The following ERBB4 variants were observed in gnomAD, a reference collection of about 807,000 sequenced individuals.
The protein encoded by ERBB4 is erb-b2 receptor tyrosine kinase 4, also known as receptor tyrosine-protein kinase erbB-4.
Under a neutral mutation model 158.0 loss-of-function variants are expected in ERBB4, and 42 were observed. That is an observed-to-expected ratio of 0.27 (90% CI 0.21 to 0.34). ERBB4 has a LOEUF of 0.34. ERBB4 is among the 10% of genes least tolerant of loss of function. ERBB4 has a pLI of 1.00. For synonymous variants in ERBB4, 583 were observed against 558.7 expected, an observed-to-expected ratio of 1.04 and a Z score of -0.61; for missense variants, 1,333 against 1,624.1, an observed-to-expected ratio of 0.82 and a Z score of 3.08.
intron 3 of ERBB4, among the ~76,000 whole-genome samples, chr2:211,854,035 T>C (rs2077787544): frequency 1.3e-5 from 2 of 152,120 alleles, no homozygotes; most frequent in South Asian, 2.1e-4. Flanking sequence ...AGGAAAACAG[T>C]AGATCTTATC....
intron 2 of ERBB4, among the ~76,000 whole-genome samples, chr2:212,045,568 C>A (rs1164916875): frequency 1.3e-5 from 2 of 152,140 alleles, no homozygotes; most frequent in Non-Finnish European, 2.9e-5. Flanking sequence ...ATAAAAGCAT[C>A]GTCAGAAGAT....
chr2:212,041,488 A>G (rs1181496161), intron 2 of ERBB4, among the ~76,000 whole-genome samples: 2 of 152,092 alleles, frequency 1.3e-5, no homozygotes, highest in African/African-American at 2.4e-5. Context: ...TTTAATTTTC[A>G]GCCAGCTTAA....
chr2:211,424,177 G>A lies in ERBB4; in HGVS notation c.2844C>T (p.Asp948=), dbSNP rs571942755. 28 of 1,613,086 alleles carry A rather than the reference G, an allele frequency of 1.7e-5. No individual in the cohort carries two copies. The highest frequency in any genetic ancestry group is 4.4e-5 in the South Asian group (4 of 91,068). The change falls in exon 23 of 28, where the codon GAC becomes GAT. Residue 948 remains aspartate, a synonymous_variant. Coordinates refer to ENST00000342788, the MANE Select transcript of ERBB4 (RefSeq NM_005235.3). ...RLPQPPICTI[D]VYMVMVKCWM... ...TACATTTGACCATGACCATGTAAACGTCAATAGTGCAGATGGGAGGCTGAG... is the reference window on the plus strand; with the variant it reads ...TACATTTGACCATGACCATGTAAACATCAATAGTGCAGATGGGAGGCTGAG...
rs368439466 is a variant in ERBB4, at chr2:211,709,304, TGA to T, written c.1124+2744_1124+2745del. ...ACATATATATATACATATATATATA[TGA>T]GAGAGAGAGAGAGAGAGTAATTTTA... On this transcript the variant is annotated intron_variant, in intron 9 of 27. Coordinates refer to ENST00000342788, the MANE Select transcript of ERBB4 (RefSeq NM_005235.3). 1.9e-3 allele frequency among the ~76,000 whole-genome samples: 262 copies of T among 140,180 alleles called. 1 individual carries two copies. The highest frequency in any genetic ancestry group is 6.1e-3 in the South Asian group (28 of 4,576). 92.0% of individuals were successfully genotyped at this position (140,180 alleles called of 152,430 possible).
At chr2:211,658,657 C>G (rs372379840) in intron 15 of ERBB4, among the ~76,000 whole-genome samples, 2 of 152,078 alleles carry the variant, frequency 1.3e-5, no homozygotes, top group Non-Finnish European at 2.9e-5. Flanking sequence ...AATGCCATAA[C>G]AGGTAAACAA....
chr2:211,722,397 A>C lies in ERBB4; in HGVS notation c.879T>G (p.Cys293Trp). The C allele has an allele frequency of 6.2e-7, 1 of 1,612,722 alleles. No individual in the cohort carries two copies. Among genetic ancestry groups the C allele is most frequent in the Non-Finnish European group, 8.5e-7 (1 of 1,178,712 alleles). Residue 293 changes from cysteine to tryptophan, a missense_variant, in exon 7 of 28, where the codon TGT becomes TGG. Physicochemically the swap from Cys to Trp is radical, Grantham distance 215. Transcript: ENST00000342788. ...TATTCTTATTCTGTTACTTACGTGG[A>C]CATTTCTTGACACAGAATGCTCCAT... ...YTYGAFCVKKCPHNFVVDSSS... is the reference protein window; with the variant it reads ...YTYGAFCVKKWPHNFVVDSSS...
intron 2 of ERBB4, among the ~76,000 whole-genome samples, chr2:212,034,897 C>T (rs1269332476): frequency 1.3e-5 from 2 of 152,052 alleles, no homozygotes; most frequent in Non-Finnish European, 2.9e-5. Flanking sequence ...AGTGAATGTC[C>T]ACCTTTTTCA....
chr2:212,327,720 C>CTTT (rs1560028639), intron 1 of ERBB4, among the ~76,000 whole-genome samples: 1 of 43,542 alleles, frequency 2.3e-5, no homozygotes, highest in Non-Finnish European at 5.1e-5. Flanking sequence ...TTTTTTTTTT[C>CTTT]TTTTTTTCTT....
intron 1 of ERBB4, among the ~76,000 whole-genome samples, chr2:212,136,461 G>T (rs1280723311): frequency 6.6e-6 from 1 of 152,138 alleles, no homozygotes; most frequent in Non-Finnish European, 1.5e-5. Flanking sequence ...TGTTTATAAG[G>T]TCTCTCTTCC....
At chr2:211,758,433 A>C (rs2075334292) in intron 4 of ERBB4, among the ~76,000 whole-genome samples, 1 of 152,232 alleles carries the variant, frequency 6.6e-6, no homozygotes. Flanking sequence ...AAGCTTTTAT[A>C]TATGATACTG....
intron 1 of ERBB4, among the ~76,000 whole-genome samples, chr2:212,411,607 A>G (rs2091502923): frequency 6.6e-6 from 1 of 152,128 alleles, no homozygotes; most frequent in African/African-American, 2.4e-5. Context: ...ATAGAGGAAT[A>G]GAAAAGTTAC....
At chr2:212,297,998 A>G (rs562932793) in intron 1 of ERBB4, among the ~76,000 whole-genome samples, 3 of 151,934 alleles carry the variant, frequency 2.0e-5, no homozygotes, top group South Asian at 4.1e-4. Flanking sequence ...AAGATGGAAG[A>G]CAGTGCTGAA....
chr2:211,928,414 C>G (rs565707634), intron 3 of ERBB4, among the ~76,000 whole-genome samples: 1 of 152,154 alleles, frequency 6.6e-6, no homozygotes, highest in African/African-American at 2.4e-5. Context: ...CAGAGGACTG[C>G]ACCTGTTTGT....
At chr2:212,191,728 GTGTTATACATGTTACATATAACA>G (rs2082230520) in intron 1 of ERBB4, among the ~76,000 whole-genome samples, 1 of 143,438 alleles carries the variant, frequency 7.0e-6, no homozygotes, top group Non-Finnish European at 1.5e-5. Flanking sequence ...CATATAACAC[GTGTTATACATGTTACATATAACA>G]CGTGTTATAC....
chr2:212,213,891 TCAAA>T (rs2083013638), intron 1 of ERBB4, among the ~76,000 whole-genome samples: 1 of 151,846 alleles, frequency 6.6e-6, no homozygotes, highest in Non-Finnish European at 1.5e-5. Context: ...GAGTGGCTTA[TCAAA>T]ATTCAGAGAA....
intron 20 of ERBB4, among the ~76,000 whole-genome samples, chr2:211,484,386 C>T (rs2065154682): frequency 6.6e-6 from 1 of 152,058 alleles, no homozygotes. Flanking sequence ...TCAATGATCA[C>T]ATTAAATGGT....
At chr2:212,036,204 A>C (rs1320653870) in intron 2 of ERBB4, among the ~76,000 whole-genome samples, 1 of 152,170 alleles carries the variant, frequency 6.6e-6, no homozygotes, top group African/African-American at 2.4e-5. Context: ...TGATCCCAAC[A>C]GTTCCTTTCC....
intron 1 of ERBB4, among the ~76,000 whole-genome samples, chr2:212,365,241 A>C (rs1297441771): frequency 3.3e-5 from 5 of 151,730 alleles, no homozygotes; most frequent in Admixed American, 6.6e-5. Flanking sequence ...TAAAATGCTC[A>C]AATTATCTTG....
At chr2:211,527,953 A>C (rs2066395502) in intron 20 of ERBB4, among the ~76,000 whole-genome samples, 1 of 152,002 alleles carries the variant, frequency 6.6e-6, no homozygotes, top group South Asian at 2.1e-4. Context: ...AAAGAAGAAA[A>C]AGAAGACCAC....
Sources: allele counts gnomAD v4.1 joint callset (sites outside exome capture counted in the v4.1 genomes callset), GRCh38; gene constraint gnomAD v4.1.1; transcripts MANE v1.5; gene names NCBI Gene and HGNC (gene_info 2026-07-23, HGNC 2026-07-21).